The following MAF variants were observed in gnomAD, a reference collection of about 807,000 sequenced individuals.
MAF encodes MAF bZIP transcription factor, also known as transcription factor Maf.
A neutral mutation model predicts 22.0 loss-of-function variants in MAF; 10 were observed. The ratio of observed to expected loss-of-function variants is 0.45; its 90% confidence interval spans 0.28 to 0.77. The LOEUF (loss-of-function observed/expected upper bound fraction) is 0.77, where lower values mean the gene tolerates loss of function less well. Among genes scored for constraint, MAF ranks in the 30% least tolerant of loss-of-function variants. MAF has a pLI of 0.12. For missense variants in MAF, 544 were observed against 548.4 expected, an observed-to-expected ratio of 0.99 and a Z score of 0.08; for synonymous variants, 337 against 255.8, an observed-to-expected ratio of 1.32 and a Z score of -3.03.
At chr16:79,230,192 T>C in the MAF span, among the ~76,000 whole-genome samples, 2 of 152,238 alleles carry the variant, frequency 1.3e-5, no homozygotes, top group Admixed American at 6.6e-5. Context: ...TGGAGTTGAA[T>C]TGCACAGAAC....
At chr16:79,493,132 G>GTT in the MAF span, among the ~76,000 whole-genome samples, 732 of 140,706 alleles carry the variant, frequency 5.2e-3, 4 homozygotes, top group Admixed American at 0.019. Flanking sequence ...TAATCTTTCT[G>GTT]TTTTTTTTTT....
At chr16:79,536,833 G>A in the MAF span, among the ~76,000 whole-genome samples, 3 of 152,128 alleles carry the variant, frequency 2.0e-5, no homozygotes, top group Non-Finnish European at 4.4e-5. Context: ...ATCTGAAGAT[G>A]TGTGTAAGTT....
chr16:79,514,723 G>T, the MAF span, among the ~76,000 whole-genome samples: 1 of 152,142 alleles, frequency 6.6e-6, no homozygotes, highest in Non-Finnish European at 1.5e-5. Context: ...GCCCTGGGAG[G>T]CTGTCGTAGG....
chr16:79,419,985 T>G, the MAF span, among the ~76,000 whole-genome samples: 1 of 150,708 alleles, frequency 6.6e-6, no homozygotes. Context: ...TCAGACAATT[T>G]TTCAGAGGGT....
At chr16:79,453,825 C>G in the MAF span, among the ~76,000 whole-genome samples, 1 of 152,084 alleles carries the variant, frequency 6.6e-6, no homozygotes, top group African/African-American at 2.4e-5. Flanking sequence ...AATAGGTATT[C>G]CTTTCTTAAA....
At chr16:79,429,230 G>A in the MAF span, among the ~76,000 whole-genome samples, 3 of 152,220 alleles carry the variant, frequency 2.0e-5, no homozygotes, top group African/African-American at 7.2e-5. Context: ...CCTATCTCTG[G>A]GCGAGTTCGT....
At chr16:79,510,013 T>C in the MAF span, among the ~76,000 whole-genome samples, 1 of 152,156 alleles carries the variant, frequency 6.6e-6, no homozygotes, top group Admixed American at 6.5e-5. Context: ...CTAAATCGCT[T>C]TGGACATGGC....
chr16:79,233,990 G>T, the MAF span, among the ~76,000 whole-genome samples: 10,676 of 126,612 alleles, frequency 0.084, 554 homozygotes, highest in Middle Eastern at 0.15. Context: ...AGACTCCATC[G>T]CAAAAAAAAA....
the MAF span, among the ~76,000 whole-genome samples, chr16:79,562,042 C>T: frequency 6.6e-6 from 1 of 152,316 alleles, no homozygotes; most frequent in East Asian, 1.9e-4. Flanking sequence ...GCTATTACCT[C>T]TTGTTGGTCT....
At chr16:79,560,266 T>A in the MAF span, among the ~76,000 whole-genome samples, 1 of 152,050 alleles carries the variant, frequency 6.6e-6, no homozygotes, top group Middle Eastern at 3.2e-3. Flanking sequence ...ACATATTACT[T>A]TGGAGACATT....
chr16:79,302,633 T>C, the MAF span, among the ~76,000 whole-genome samples: 116 of 152,354 alleles, frequency 7.6e-4, 2 homozygotes, highest in South Asian at 0.024. Context: ...TGGTAATGAA[T>C]GTGGCTTCTA....
the MAF span, among the ~76,000 whole-genome samples, chr16:79,545,108 C>A: frequency 2.6e-5 from 4 of 152,158 alleles, no homozygotes; most frequent in Non-Finnish European, 4.4e-5. Context: ...CTTCTTAACT[C>A]CTGGAATATT....
the MAF span, among the ~76,000 whole-genome samples, chr16:79,452,512 A>G: frequency 1.3e-5 from 2 of 152,226 alleles, no homozygotes; most frequent in Non-Finnish European, 2.9e-5. Flanking sequence ...GATTTTTTAA[A>G]AAAGAGTTTG....
At chr16:79,596,358 C>G (rs1201287794) in intron 1 of MAF, 14 of 1,059,106 alleles carry the variant, frequency 1.3e-5, no homozygotes, top group Admixed American at 5.4e-5. Flanking sequence ...ATAATTTCAC[C>G]CTGAATTACT....
At chr16:79,358,752 C>G in the MAF span, among the ~76,000 whole-genome samples, 3 of 152,188 alleles carry the variant, frequency 2.0e-5, no homozygotes, top group Non-Finnish European at 4.4e-5. Flanking sequence ...TATCATGAAA[C>G]AAGTATGCCT....
the MAF span, among the ~76,000 whole-genome samples, chr16:79,363,404 G>A: frequency 6.6e-6 from 1 of 152,168 alleles, no homozygotes. Context: ...AACATGCTCA[G>A]AACACTTCAA....
the MAF span, among the ~76,000 whole-genome samples, chr16:79,549,206 G>A: frequency 2.0e-5 from 3 of 151,994 alleles, no homozygotes; most frequent in African/African-American, 4.8e-5. Context: ...GTGTCCAGTG[G>A]CATTTCCTGA....
At chr16:79,513,904 A>G in the MAF span, among the ~76,000 whole-genome samples, 3 of 152,176 alleles carry the variant, frequency 2.0e-5, no homozygotes, top group African/African-American at 7.2e-5. Context: ...TCGGCACTGA[A>G]TATCTCCGAT....
At chr16:79,565,753 C>A in the MAF span, among the ~76,000 whole-genome samples, 2 of 152,288 alleles carry the variant, frequency 1.3e-5, no homozygotes, top group Admixed American at 1.3e-4. Context: ...TTACCCAGTC[C>A]CAGGTATGTG....
Sources: gnomAD v4.1 joint callset for allele counts (sites outside exome capture counted in the v4.1 genomes callset) on GRCh38, gnomAD v4.1.1 for gene constraint, MANE v1.5 for transcripts, NCBI Gene and HGNC (gene_info 2026-07-23, HGNC 2026-07-21) for gene names.